Variants in NRCAM observed in about 807,000 individuals in gnomAD.
The protein encoded by NRCAM is neuronal cell adhesion molecule.
In NRCAM, 83 loss-of-function variants were observed where a neutral mutation model predicts 156.5. The observed-to-expected ratio is 0.53, with a 90% CI of 0.44 to 0.64. The LOEUF is 0.64. Among genes scored for constraint, NRCAM ranks in the 30% least tolerant of loss-of-function variants. The probability of loss-of-function intolerance (pLI) is 0.00; values close to 1 mark genes in which losing one functional copy is unlikely to be tolerated. For missense variants in NRCAM, 1,417 were observed against 1,597.3 expected (o/e 0.89, Z 1.92); for synonymous variants, 538 against 563.9 (o/e 0.95, Z 0.65).
At chr7:108,294,440 A>G (rs962615110) in intron 3 of NRCAM, among the ~76,000 whole-genome samples, 2 of 152,100 alleles carry the variant, frequency 1.3e-5, no homozygotes, top group African/African-American at 4.8e-5. Context: ...CAAAATTCCT[A>G]AAGTGGCTTC....
intron 1 of NRCAM, among the ~76,000 whole-genome samples, chr7:108,432,923 GA>G (rs1827393583): frequency 1.1e-5 from 1 of 93,884 alleles, no homozygotes. Context: ...AAGAGAAAGA[GA>G]AAGAGGAGAA....
intron 20 of NRCAM, among the ~76,000 whole-genome samples, chr7:108,187,456 CCT>C (rs750312496): frequency 6.6e-6 from 1 of 152,322 alleles, no homozygotes; most frequent in Admixed American, 6.5e-5. Context: ...ACCTCCCTCC[CCT>C]GTCTTGATTG....
intron 11 of NRCAM, among the ~76,000 whole-genome samples, chr7:108,220,683 A>G (rs2091918884): frequency 6.6e-6 from 1 of 152,230 alleles, no homozygotes; most frequent in Admixed American, 6.5e-5. Flanking sequence ...CTCTCACCTT[A>G]TATAAAAACC....
intron 3 of NRCAM, among the ~76,000 whole-genome samples, chr7:108,256,230 T>C (rs2096654485): frequency 6.6e-6 from 1 of 151,844 alleles, no homozygotes; most frequent in East Asian, 1.9e-4. Flanking sequence ...TGTTACTGTG[T>C]CTGTGTAGAA....
intron 1 of NRCAM, among the ~76,000 whole-genome samples, chr7:108,439,738 G>A (rs935146469): frequency 3.4e-5 from 5 of 148,872 alleles, no homozygotes; most frequent in African/African-American, 1.0e-4. Context: ...GGAGGCTGAG[G>A]CAGGAGAATC....
intron 2 of NRCAM, among the ~76,000 whole-genome samples, chr7:108,313,716 T>C (rs913317963): frequency 1.9e-4 from 29 of 152,204 alleles, no homozygotes; most frequent in African/African-American, 6.5e-4. Flanking sequence ...TGATATTTTA[T>C]CAGGACAAAA....
chr7:108,292,189 G>T (rs1054534283), intron 3 of NRCAM, among the ~76,000 whole-genome samples: 4 of 152,196 alleles, frequency 2.6e-5, no homozygotes, highest in Non-Finnish European at 5.9e-5. Flanking sequence ...GGCTCTGGGT[G>T]TAAGAAATAC....
At chr7:108,243,041 A>G (rs955764948) in intron 3 of NRCAM, 1 of 152,224 alleles carries the variant, frequency 6.6e-6, no homozygotes, top group Non-Finnish European at 1.5e-5. Context: ...AATTGAAAGC[A>G]CTTACTTAAA....
chr7:108,413,387 T>C (rs569974766), intron 1 of NRCAM, among the ~76,000 whole-genome samples: 1 of 152,338 alleles, frequency 6.6e-6, no homozygotes, highest in South Asian at 2.1e-4. Context: ...TGTCTTCTTG[T>C]TATTGAGTTG....
At chr7:108,310,185 G>C (rs1255687883) in intron 3 of NRCAM, among the ~76,000 whole-genome samples, 2 of 152,192 alleles carry the variant, frequency 1.3e-5, no homozygotes, top group Non-Finnish European at 2.9e-5. Flanking sequence ...TTAAGGTGCA[G>C]CCTGGGCATT....
rs538198028 is a variant in NRCAM at position 108,166,904 on chromosome 7, T to G, written c.3466+17A>C. ...ACCTCTGAGCGGGAGCCAGAACAGG[T>G]GTGGTGTGAGCCTCACCTGGGCCTG... On this transcript the variant is annotated intron_variant, in intron 30 of 32. Coordinates refer to ENST00000379028, the MANE Select transcript of NRCAM (RefSeq NM_001037132.4). The G allele has an allele frequency of 6.2e-7, 1 of 1,612,838 alleles. No individual in the cohort carries two copies. Among genetic ancestry groups the G allele is most frequent in the East Asian group, 2.2e-5 (1 of 44,818 alleles).
chr7:108,442,546 C>A (rs2041000), intron 1 of NRCAM, among the ~76,000 whole-genome samples: 1 of 152,158 alleles, frequency 6.6e-6, no homozygotes, highest in African/African-American at 2.4e-5. Context: ...ACATAAAATT[C>A]TAAAATGTGA....
chr7:108,186,085 G>C (rs2066615098), intron 20 of NRCAM, among the ~76,000 whole-genome samples: 1 of 152,290 alleles, frequency 6.6e-6, no homozygotes, highest in South Asian at 2.1e-4. Context: ...TAGGTATTTG[G>C]ATATTCACTG....
At chr7:108,408,123 T>C (rs938504943) in intron 1 of NRCAM, among the ~76,000 whole-genome samples, 3 of 152,196 alleles carry the variant, frequency 2.0e-5, no homozygotes, top group Admixed American at 2.0e-4. Context: ...TTAAAAAAAC[T>C]GCCACCCAGC....
intron 2 of NRCAM, among the ~76,000 whole-genome samples, chr7:108,398,330 C>G (rs113236158): frequency 0.014 from 2,062 of 152,272 alleles, 38 homozygotes; most frequent in African/African-American, 0.045. Flanking sequence ...CCAGCTCTTT[C>G]AAATTCCCCT....
intron 1 of NRCAM, among the ~76,000 whole-genome samples, chr7:108,408,302 T>A (rs1791039410): frequency 6.6e-6 from 1 of 152,208 alleles, no homozygotes; most frequent in Admixed American, 6.5e-5. Flanking sequence ...TAAACTAGAT[T>A]AAATCCACAA....
At chr7:108,422,441 G>A (rs1811234383) in intron 1 of NRCAM, among the ~76,000 whole-genome samples, 1 of 151,996 alleles carries the variant, frequency 6.6e-6, no homozygotes, top group Non-Finnish European at 1.5e-5. Flanking sequence ...GTCACTTACT[G>A]AATACTCACT....
intron 11 of NRCAM, among the ~76,000 whole-genome samples, chr7:108,219,412 G>A (rs575653406): frequency 5.9e-5 from 9 of 151,994 alleles, no homozygotes; most frequent in Non-Finnish European, 1.2e-4. Flanking sequence ...AGAAACTATG[G>A]ACTGATATCC....
chr7:108,237,788 C>T lies in NRCAM; in HGVS notation c.107-19G>A. On this transcript the variant is annotated intron_variant, in intron 4 of 32. Transcript: ENST00000379028. ...AGTTTTGCTTTTTCCCCATCAATAT[C>T]AGCAGGTAAGTGGGCAAAGAGGATT... 6.3e-7 allele frequency: 1 copy of T among 1,586,554 alleles called. No individual in the cohort carries two copies. Among genetic ancestry groups the T allele is most frequent in the Non-Finnish European group, 8.6e-7 (1 of 1,166,016 alleles).
Sources: gnomAD v4.1 joint callset for allele counts (sites outside exome capture counted in the v4.1 genomes callset) on GRCh38, gnomAD v4.1.1 for gene constraint, MANE v1.5 for transcripts, NCBI Gene and HGNC (gene_info 2026-07-23, HGNC 2026-07-21) for gene names.